Variants in CSTF3 observed in about 807,000 individuals in gnomAD.
CSTF3 encodes the protein CF-1 77 kDa subunit.
In CSTF3, 29 loss-of-function variants were observed where a neutral mutation model predicts 105.8. That is an observed-to-expected ratio of 0.27 (90% confidence interval 0.20 to 0.37). The LOEUF (loss-of-function observed/expected upper bound fraction) is 0.37, where lower values mean the gene tolerates loss of function less well. Ranked by LOEUF, CSTF3 falls within the 10% of genes least tolerant of loss-of-function variation. The pLI, the probability that CSTF3 is intolerant of heterozygous loss-of-function variation, is 1.00. For missense variants in CSTF3, 357 were observed against 879.3 expected (o/e 0.41, Z 7.51); for synonymous variants, 252 against 281.9 (o/e 0.89, Z 1.06).
chr11:33,147,676 C>T (rs1192333629), intron 1 of CSTF3, among the ~76,000 whole-genome samples: 3 of 151,648 alleles, frequency 2.0e-5, no homozygotes, highest in Non-Finnish European at 4.4e-5. Flanking sequence ...GATATGGGAA[C>T]CAAAAAACAG....
intron 8 of CSTF3, among the ~76,000 whole-genome samples, chr11:33,104,618 G>C (rs1295978071): frequency 6.6e-6 from 1 of 152,016 alleles, no homozygotes. Context: ...CAAAAAATTA[G>C]CTTGAGAGTG....
At chr11:33,139,513 T>C (rs1409189712) in intron 3 of CSTF3, among the ~76,000 whole-genome samples, 2 of 151,836 alleles carry the variant, frequency 1.3e-5, no homozygotes, top group African/African-American at 4.8e-5. Flanking sequence ...TTGAGTGATA[T>C]GATCAAAGAA....
intron 3 of CSTF3, among the ~76,000 whole-genome samples, chr11:33,125,766 G>A (rs753737250): frequency 1.3e-4 from 20 of 152,266 alleles, no homozygotes; most frequent in South Asian, 2.1e-4. Flanking sequence ...GTCCTGAAGC[G>A]TTTAAAATTG....
intron 3 of CSTF3, 33 bp downstream of exon 3, chr11:33,141,634 C>A (rs768173164): frequency 6.3e-7 from 1 of 1,588,714 alleles, no homozygotes; most frequent in South Asian, 1.2e-5. Context: ...TGCTGCAATA[C>A]TGATATAAGA....
chr11:33,101,481 T>C (rs1855279852), intron 10 of CSTF3, among the ~76,000 whole-genome samples: 1 of 152,210 alleles, frequency 6.6e-6, no homozygotes, highest in South Asian at 2.1e-4. Flanking sequence ...GAGTAAAGAC[T>C]ATGTCCCAAG....
At chr11:33,138,355 C>A (rs942455330) in intron 3 of CSTF3, among the ~76,000 whole-genome samples, 1 of 151,720 alleles carries the variant, frequency 6.6e-6, no homozygotes, top group Non-Finnish European at 1.5e-5. Flanking sequence ...GCTACAGAAA[C>A]CACAGGCTGG....
At chr11:33,101,665 T>G (rs1043671085) in intron 10 of CSTF3, among the ~76,000 whole-genome samples, 1 of 152,192 alleles carries the variant, frequency 6.6e-6, no homozygotes, top group Admixed American at 6.5e-5. Flanking sequence ...AATGTTTCAT[T>G]TGTACATTTG....
chr11:33,119,640 T>C (rs1855466920), intron 3 of CSTF3, among the ~76,000 whole-genome samples: 1 of 151,802 alleles, frequency 6.6e-6, no homozygotes, highest in South Asian at 2.1e-4. Context: ...AAACTCACAG[T>C]ATATTCCTCA....
In CSTF3 at chr11:33,108,009, A is replaced by G; in HGVS notation, c.259-9T>C. On this transcript the variant is annotated splice_polypyrimidine_tract_variant and intron_variant, in intron 4 of 20. Transcript: ENST00000323959. ...AGGCATCTCTGAAATAGCTTTAAAT[A>G]CAAGAATATATTATCAGAATCCAGT... The G allele has an allele frequency of 6.6e-7, 1 of 1,518,256 alleles. No homozygotes were observed. Among genetic ancestry groups the G allele is most frequent in the Non-Finnish European group, 9.1e-7 (1 of 1,103,886 alleles). The allele number at this position is 1,518,256 out of a possible 1,614,324, so 94.0% of individuals were successfully genotyped here. A position where few individuals can be genotyped will look rare whatever the true frequency, so the allele number is the denominator to read the frequency against.
intron 3 of CSTF3, among the ~76,000 whole-genome samples, chr11:33,114,368 TCA>T (rs1855410028): frequency 6.6e-6 from 1 of 152,160 alleles, no homozygotes; most frequent in African/African-American, 2.4e-5. Flanking sequence ...CCGACAAAAT[TCA>T]CATTTTTCTG....
chr11:33,154,491 CTTTT>C (rs34462847), intron 1 of CSTF3, among the ~76,000 whole-genome samples: 940 of 60,774 alleles, frequency 0.015, 4 homozygotes, highest in Non-Finnish European at 0.034. Context: ...GTAAGACTTT[CTTTT>C]TTTTTTTTTT....
At chr11:33,122,189 TTTAA>T (rs1363240470) in intron 3 of CSTF3, among the ~76,000 whole-genome samples, 1 of 152,212 alleles carries the variant, frequency 6.6e-6, no homozygotes, top group East Asian at 1.9e-4. Flanking sequence ...CTATAAAGTA[TTTAA>T]TTAGCTCACC....
intron 9 of CSTF3, 37 bp downstream of exon 9, chr11:33,103,070 A>G: frequency 7.5e-7 from 1 of 1,325,578 alleles, no homozygotes; most frequent in Non-Finnish European, 1.1e-6. Context: ...CAACAGACTC[A>G]TAATAATCAT....
At chr11:33,106,244 TA>T (rs1039422223) in intron 5 of CSTF3, among the ~76,000 whole-genome samples, 180 bp from the exon 6 acceptor site, 2 of 151,792 alleles carry the variant, frequency 1.3e-5, no homozygotes, top group African/African-American at 4.8e-5. Context: ...ACCCAGTCTC[TA>T]AAAAAATAAA....
chr11:33,128,111 A>G (rs1263617284), intron 3 of CSTF3, among the ~76,000 whole-genome samples: 2 of 152,216 alleles, frequency 1.3e-5, no homozygotes, highest in Non-Finnish European at 2.9e-5. Flanking sequence ...TTTAGTAAAA[A>G]CAAATTTTAC....
At chr11:33,100,584 A>G (rs1300106170) in intron 10 of CSTF3, among the ~76,000 whole-genome samples, 1 of 152,192 alleles carries the variant, frequency 6.6e-6, no homozygotes, top group East Asian at 1.9e-4. Flanking sequence ...TCCTATATTC[A>G]AGAAGTCTGC....
Position 33,122,786 on chromosome 11 carries a change from T to A in CSTF3, c.226-14368A>T, listed in dbSNP as rs572184506. ...CAAAAATTAGCTGGGCATGGTGGCA[T>A]GCACCTGTAGTCCCAGCTACTTGAG... is the stretch of plus-strand genomic sequence containing the variant. On this transcript the variant is annotated intron_variant, in intron 3 of 20. Transcript: ENST00000323959. 7.9e-5 allele frequency among the ~76,000 whole-genome samples: 12 copies of A among 151,136 alleles called. No homozygotes were observed. The South Asian group carries it at 2.5e-3, about 32-fold the overall frequency.
chr11:33,137,069 T>C (rs1199629561), intron 3 of CSTF3, among the ~76,000 whole-genome samples: 2 of 151,868 alleles, frequency 1.3e-5, no homozygotes, highest in Non-Finnish European at 3.0e-5. Context: ...TGACTCTTAT[T>C]ACACCAAAGA....
chr11:33,143,907 G>A (rs935456717), intron 1 of CSTF3, among the ~76,000 whole-genome samples: 1 of 149,890 alleles, frequency 6.7e-6, no homozygotes, highest in Non-Finnish European at 1.5e-5. Flanking sequence ...GGAGAATGGC[G>A]TGAACCCAGG....
Sources: gnomAD v4.1 joint callset for allele counts (sites outside exome capture counted in the v4.1 genomes callset) on GRCh38, gnomAD v4.1.1 for gene constraint, MANE v1.5 for transcripts, NCBI Gene and HGNC (gene_info 2026-07-23, HGNC 2026-07-21) for gene names.